The following ATXN1 variants were observed in gnomAD, a reference collection of about 807,000 sequenced individuals.
The protein encoded by ATXN1 is ataxin-1.
Under a neutral mutation model 56.4 loss-of-function variants are expected in ATXN1, and 8 were observed. The ratio of observed to expected loss-of-function variants is 0.14; its 90% CI spans 0.08 to 0.26. The LOEUF (loss-of-function observed/expected upper bound fraction) is 0.26, where lower values mean the gene tolerates loss of function less well. Ranked by LOEUF, ATXN1 falls within the 10% of genes least tolerant of loss-of-function variation. ATXN1 has a pLI of 1.00. For missense variants in ATXN1, 987 were observed against 1,106.5 expected, an observed-to-expected ratio of 0.89 and a Z score of 1.53; for synonymous variants, 514 against 494.6, an observed-to-expected ratio of 1.04 and a Z score of -0.52.
chr6:16,499,354 T>C (rs1457373034), intron 5 of ATXN1, among the ~76,000 whole-genome samples: 2 of 152,208 alleles, frequency 1.3e-5, no homozygotes, highest in African/African-American at 2.4e-5. Context: ...AAAATTAATT[T>C]TCTGGCTTTT....
chr6:16,683,785 A>G (rs1483889156), intron 2 of ATXN1, among the ~76,000 whole-genome samples: 1 of 152,194 alleles, frequency 6.6e-6, no homozygotes, highest in Non-Finnish European at 1.5e-5. Flanking sequence ...TGCCGCCACC[A>G]TGGGTATTAA....
At chr6:16,401,914 A>G (rs1434601280) in intron 6 of ATXN1, among the ~76,000 whole-genome samples, 2 of 152,222 alleles carry the variant, frequency 1.3e-5, no homozygotes, top group African/African-American at 4.8e-5. Flanking sequence ...TTGGACTTAC[A>G]GTTCCACATG....
At chr6:16,542,902 G>T (rs1216313914) in intron 4 of ATXN1, among the ~76,000 whole-genome samples, 1 of 151,972 alleles carries the variant, frequency 6.6e-6, no homozygotes, top group Admixed American at 6.6e-5. Flanking sequence ...TGTGAATGTG[G>T]TGTCTCTCTC....
chr6:16,400,955 T>A (rs536436680), intron 6 of ATXN1, among the ~76,000 whole-genome samples: 1 of 152,084 alleles, frequency 6.6e-6, no homozygotes, highest in South Asian at 2.1e-4. Flanking sequence ...AAATGTACCA[T>A]AATATTAAAT....
chr6:16,622,365 C>CATGGTG (rs1763333741), intron 3 of ATXN1, among the ~76,000 whole-genome samples: 1 of 152,106 alleles, frequency 6.6e-6, no homozygotes, highest in Non-Finnish European at 1.5e-5. Flanking sequence ...TGATGATGAC[C>CATGGTG]ATGGTGGTGG....
chr6:16,577,117 G>A (rs1015129329), intron 4 of ATXN1, among the ~76,000 whole-genome samples: 6 of 152,200 alleles, frequency 3.9e-5, no homozygotes, highest in African/African-American at 1.2e-4. Context: ...GACACACCCC[G>A]CTTTTCTCTG....
intron 3 of ATXN1, among the ~76,000 whole-genome samples, chr6:16,618,933 A>C (rs1179776310): frequency 2.0e-5 from 3 of 152,206 alleles, no homozygotes; most frequent in Admixed American, 6.5e-5. Flanking sequence ...AAATACATGT[A>C]ATTGTGAGTA....
intron 4 of ATXN1, among the ~76,000 whole-genome samples, chr6:16,578,745 A>G (rs1214291308): frequency 1.9e-5 from 2 of 103,298 alleles, no homozygotes; most frequent in African/African-American, 2.2e-4. Context: ...GGAAAAAGAG[A>G]AAAAAAAAAA....
chr6:16,368,343 CTT>C (rs10527935), intron 6 of ATXN1, among the ~76,000 whole-genome samples: 1,590 of 75,724 alleles, frequency 0.021, 20 homozygotes, highest in Middle Eastern at 0.071. Context: ...ACTTCTTCTT[CTT>C]TTTTTTTTTT....
chr6:16,360,927 A>C (rs1470612040), intron 6 of ATXN1, among the ~76,000 whole-genome samples: 1 of 152,230 alleles, frequency 6.6e-6, no homozygotes. Flanking sequence ...GTAAGGAATA[A>C]CACAAGGTAA....
chr6:16,583,301 G>A (rs376071889), intron 4 of ATXN1, among the ~76,000 whole-genome samples: 5 of 152,302 alleles, frequency 3.3e-5, no homozygotes, highest in South Asian at 4.1e-4. Context: ...GGCTGAAGCC[G>A]TACACGTCGT....
chr6:16,653,377 A>G (rs544946192), intron 3 of ATXN1, among the ~76,000 whole-genome samples: 1 of 152,320 alleles, frequency 6.6e-6, no homozygotes, highest in Non-Finnish European at 1.5e-5. Context: ...CGTCCACTAG[A>G]GCTAAACTTG....
chr6:16,383,783 C>T (rs527974828), intron 6 of ATXN1, among the ~76,000 whole-genome samples: 1 of 152,264 alleles, frequency 6.6e-6, no homozygotes, highest in East Asian at 1.9e-4. Flanking sequence ...AAGTAAAGGT[C>T]AGTGAGTGAA....
At chr6:16,677,855 C>T (rs1290919439) in intron 2 of ATXN1, among the ~76,000 whole-genome samples, 1 of 152,130 alleles carries the variant, frequency 6.6e-6, no homozygotes, top group Admixed American at 6.5e-5. Flanking sequence ...AACTATCATA[C>T]CCTATTTTCT....
chr6:16,467,430 T>C (rs1293915387), intron 6 of ATXN1, among the ~76,000 whole-genome samples: 3 of 152,222 alleles, frequency 2.0e-5, no homozygotes. Context: ...TGTCAGGTTT[T>C]ACTGTTTGGT....
At chr6:16,389,113 G>T (rs530043573) in intron 6 of ATXN1, among the ~76,000 whole-genome samples, 1 of 152,094 alleles carries the variant, frequency 6.6e-6, no homozygotes, top group African/African-American at 2.4e-5. Context: ...AAGGCGGGCA[G>T]ATCACGAGGT....
intron 4 of ATXN1, among the ~76,000 whole-genome samples, chr6:16,561,534 C>T (rs1374353916): frequency 6.6e-6 from 1 of 152,120 alleles, no homozygotes; most frequent in Admixed American, 6.5e-5. Context: ...TGTTTAAGGA[C>T]AGGGGTTAAA....
chr6:16,398,059 C>A (rs1414849493), intron 6 of ATXN1, among the ~76,000 whole-genome samples: 1 of 152,162 alleles, frequency 6.6e-6, no homozygotes, highest in African/African-American at 2.4e-5. Context: ...CAGGTTATTG[C>A]TTTTATGCCA....
chr6:16,718,766 G>A (rs951003396), intron 2 of ATXN1, among the ~76,000 whole-genome samples: 1 of 152,204 alleles, frequency 6.6e-6, no homozygotes, highest in Non-Finnish European at 1.5e-5. Context: ...CAGCCTAGCT[G>A]TTTAGTTTTC....
Sources: allele counts gnomAD v4.1 joint callset (sites outside exome capture counted in the v4.1 genomes callset), GRCh38; gene constraint gnomAD v4.1.1; transcripts MANE v1.5; gene names NCBI Gene and HGNC (gene_info 2026-07-23, HGNC 2026-07-21).